Variants in PACRGL observed in about 807,000 individuals in gnomAD.
PACRGL encodes the protein parkin coregulated like.
Under a neutral mutation model 34.5 loss-of-function variants are expected in PACRGL, and 38 were observed. The observed-to-expected ratio is 1.10, with a 90% CI of 0.85 to 1.44. The LOEUF (loss-of-function observed/expected upper bound fraction) is 1.44. Among genes scored for constraint, PACRGL ranks in the 40% most tolerant of loss-of-function variants. The pLI is 0.00. For synonymous variants in PACRGL, 128 were observed against 100.1 expected (o/e 1.28, Z -1.66); for missense variants, 305 against 281.4 (o/e 1.08, Z -0.60).
chr4:20,754,684 CAG>C (rs1184450767), downstream of PACRGL, among the ~76,000 whole-genome samples: 1 of 152,126 alleles, frequency 6.6e-6, no homozygotes, highest in Admixed American at 6.5e-5. Flanking sequence ...AAGAGTGTAA[CAG>C]TAATTTTTTC....
At chr4:20,734,743 G>A, downstream of PACRGL, 4 of 1,490,806 alleles carry the variant, frequency 2.7e-6, no homozygotes, top group South Asian at 2.5e-5. Context: ...ATCCTGAAAA[G>A]AAATAAAAAT....
At chr4:20,758,571 T>C in the PACRGL span, among the ~76,000 whole-genome samples, 1 of 152,212 alleles carries the variant, frequency 6.6e-6, no homozygotes, top group African/African-American at 2.4e-5. Flanking sequence ...ACATTGTGCA[T>C]TTGAGAGCCA....
At chr4:20,761,304 C>A in the PACRGL span, among the ~76,000 whole-genome samples, 1 of 152,180 alleles carries the variant, frequency 6.6e-6, no homozygotes, top group African/African-American at 2.4e-5. Flanking sequence ...TTTATACTCA[C>A]ACATCCTATT....
At chr4:20,718,482 C>G (rs1330874598) in intron 7 of PACRGL, among the ~76,000 whole-genome samples, 1 of 152,056 alleles carries the variant, frequency 6.6e-6, no homozygotes, top group Non-Finnish European at 1.5e-5. Context: ...ATAAATAGCT[C>G]TTATTATTTT....
chr4:20,721,504 G>C (rs1414207397), intron 7 of PACRGL, among the ~76,000 whole-genome samples: 1 of 151,950 alleles, frequency 6.6e-6, no homozygotes, highest in Non-Finnish European at 1.5e-5. Flanking sequence ...TGGGGTTTTG[G>C]TGTGGATGTC....
downstream of PACRGL, among the ~76,000 whole-genome samples, chr4:20,755,864 A>G (rs560084143): frequency 6.6e-6 from 1 of 152,026 alleles, no homozygotes; most frequent in East Asian, 1.9e-4. Flanking sequence ...TGGGATGGCA[A>G]GGGGGCCACT....
intron 8 of PACRGL, 122 bp from the exon 9 acceptor site, chr4:20,727,163 T>G: frequency 2.5e-6 from 2 of 786,956 alleles, no homozygotes; most frequent in Non-Finnish European, 4.1e-6. Context: ...TATTTCATCA[T>G]TTTGTTCTTA....
intron 8 of PACRGL, among the ~76,000 whole-genome samples, chr4:20,741,209 C>A (rs1750998205): frequency 6.6e-6 from 1 of 152,182 alleles, no homozygotes; most frequent in South Asian, 2.1e-4. Flanking sequence ...CTCAGCTCTG[C>A]AGCAAGCGGA....
chr4:20,699,326 G>T (rs890844927), upstream of PACRGL, among the ~76,000 whole-genome samples: 9 of 152,252 alleles, frequency 5.9e-5, no homozygotes, highest in Non-Finnish European at 1.2e-4. Context: ...TTTCAGTCTA[G>T]TGAGAAAGAT....
intron 5 of PACRGL, among the ~76,000 whole-genome samples, chr4:20,711,669 G>A (rs557264783): frequency 2.9e-4 from 44 of 152,198 alleles, no homozygotes; most frequent in Non-Finnish European, 3.8e-4. Flanking sequence ...AACTAAAGGA[G>A]TTTACTGTTG....
At chr4:20,713,342 T>C (rs1017616571) in intron 6 of PACRGL, 90 bp from the exon 7 acceptor site, 19 of 909,454 alleles carry the variant, frequency 2.1e-5, no homozygotes, top group Non-Finnish European at 3.1e-5. Context: ...TTTTCTCTAC[T>C]TGCTTGCCCT....
At chr4:20,734,113 C>T (rs776856190), downstream of PACRGL, among the ~76,000 whole-genome samples, 1 of 152,176 alleles carries the variant, frequency 6.6e-6, no homozygotes, top group Non-Finnish European at 1.5e-5. Context: ...TTCTTTACTT[C>T]TCGCTGTGTT....
exon 9 of PACRGL, chr4:20,752,776 A>G (rs1328182479): frequency 2.6e-5 from 4 of 152,244 alleles, no homozygotes; most frequent in East Asian, 1.9e-4. Context: ...AGGCAAAGGA[A>G]TGTCCAGCTA....
chr4:20,716,920 C>G (rs1740331041), intron 7 of PACRGL, among the ~76,000 whole-genome samples: 1 of 152,224 alleles, frequency 6.6e-6, no homozygotes, highest in Non-Finnish European at 1.5e-5. Flanking sequence ...CTGTCTTACA[C>G]AATGGTTGAA....
intron 3 of PACRGL, among the ~76,000 whole-genome samples, chr4:20,707,590 G>A (rs1033093382): frequency 3.4e-5 from 5 of 147,224 alleles, no homozygotes; most frequent in South Asian, 2.2e-4. Flanking sequence ...TTTCAGCCGC[G>A]TTCAAGCATC....
Position 20,712,575 on chromosome 4 carries a change from G to A in PACRGL, c.367-213G>A, listed in dbSNP as rs182463586. 1.1e-3 allele frequency: 408 copies of A among 378,234 alleles called. 4 individuals are homozygous for A. Among genetic ancestry groups the A allele is most frequent in the South Asian group, 8.9e-3 (97 of 10,906 alleles). The allele number at this position is 378,234 out of a possible 1,614,324, so 23.4% of individuals were successfully genotyped here. On this transcript the variant is annotated intron_variant, in intron 5 of 8. Coordinates refer to ENST00000503585, the MANE Select transcript of PACRGL (RefSeq NM_001258345.3). Reference sequence around the variant, plus strand: ...GGGTTTTGGTATCCATTGGAGGGGGGGCCCTGGAACCAGTTTCCCTTGGGA... The same window carrying A: ...GGGTTTTGGTATCCATTGGAGGGGGAGCCCTGGAACCAGTTTCCCTTGGGA...
At chr4:20,750,047 G>C (rs539417244) in intron 8 of PACRGL, among the ~76,000 whole-genome samples, 3 of 152,288 alleles carry the variant, frequency 2.0e-5, no homozygotes, top group Admixed American at 2.0e-4. Context: ...ATTGAGACTT[G>C]TCTGGAATTT....
At chr4:20,744,222 C>G (rs189457742) in intron 8 of PACRGL, among the ~76,000 whole-genome samples, 1 of 152,164 alleles carries the variant, frequency 6.6e-6, no homozygotes, top group Non-Finnish European at 1.5e-5. Context: ...GGAGCTAGAA[C>G]TAGAAATACC....
chr4:20,704,432 T>C (rs566109009), intron 1 of PACRGL, 34 bp from the exon 2 acceptor site: 1 of 1,600,802 alleles, frequency 6.2e-7, no homozygotes, highest in Non-Finnish European at 8.5e-7. Context: ...TCCAAACAAA[T>C]TTTGAAATCA....
Sources: allele counts gnomAD v4.1 joint callset (sites outside exome capture counted in the v4.1 genomes callset), GRCh38; gene constraint gnomAD v4.1.1; transcripts MANE v1.5; gene names NCBI Gene and HGNC (gene_info 2026-07-23, HGNC 2026-07-21).